The following ELAVL4 variants were observed in gnomAD, a reference collection of about 807,000 sequenced individuals.
ELAVL4 encodes the protein ELAV-like protein 4.
In ELAVL4, 1 loss-of-function variant was observed where a neutral mutation model predicts 35.6. The observed-to-expected ratio is 0.03, with a 90% CI of 0.01 to 0.13. The LOEUF (loss-of-function observed/expected upper bound fraction) is 0.13. Among genes scored for constraint, ELAVL4 ranks in the 10% least tolerant of loss-of-function variants. The pLI is 1.00. For missense variants in ELAVL4, 267 were observed against 464.9 expected, an observed-to-expected ratio of 0.57 and a Z score of 3.91; for synonymous variants, 156 against 171.0, an observed-to-expected ratio of 0.91 and a Z score of 0.69.
intron 1 of ELAVL4, among the ~76,000 whole-genome samples, chr1:50,137,864 C>T (rs1672140861): frequency 6.6e-6 from 1 of 152,108 alleles, no homozygotes; most frequent in South Asian, 2.1e-4. Context: ...TATCTTTCTC[C>T]TTGTTCTCTT....
At chr1:50,167,189 T>C (rs1427324617) in intron 2 of ELAVL4, among the ~76,000 whole-genome samples, 4 of 152,204 alleles carry the variant, frequency 2.6e-5, no homozygotes, top group Non-Finnish European at 5.9e-5. Context: ...GTTGGTTTTG[T>C]AATTGTGACT....
At chr1:50,061,166 G>C (rs1336931620) in intron 1 of ELAVL4, among the ~76,000 whole-genome samples, 2 of 152,200 alleles carry the variant, frequency 1.3e-5, no homozygotes, top group Non-Finnish European at 2.9e-5. Flanking sequence ...AAAAGTGATG[G>C]AGAAGATATT....
chr1:50,165,694 A>G (rs1677709829), intron 2 of ELAVL4, among the ~76,000 whole-genome samples: 2 of 148,704 alleles, frequency 1.3e-5, no homozygotes, highest in African/African-American at 4.9e-5. Context: ...ATATATACAC[A>G]CATATACATA....
At chr1:50,067,559 C>T (rs557692272) in intron 1 of ELAVL4, among the ~76,000 whole-genome samples, 5 of 152,130 alleles carry the variant, frequency 3.3e-5, no homozygotes, top group East Asian at 1.9e-4. Context: ...ATAGGTAAAC[C>T]GATACAGGGT....
chr1:50,146,793 C>T (rs750316617), intron 2 of ELAVL4, among the ~76,000 whole-genome samples: 1 of 152,118 alleles, frequency 6.6e-6, no homozygotes, highest in South Asian at 2.1e-4. Flanking sequence ...TTTAGTATAG[C>T]CTTACCTTCA....
At chr1:50,081,761 G>T (rs1467708399) in intron 1 of ELAVL4, among the ~76,000 whole-genome samples, 1 of 152,164 alleles carries the variant, frequency 6.6e-6, no homozygotes, top group African/African-American at 2.4e-5. Context: ...CACGTGCTAT[G>T]GTGGTTTGCT....
At chr1:50,070,001 T>C (rs1202912978) in intron 1 of ELAVL4, among the ~76,000 whole-genome samples, 1 of 152,224 alleles carries the variant, frequency 6.6e-6, no homozygotes, top group Non-Finnish European at 1.5e-5. Context: ...CTGTGGTTTC[T>C]TTTTCCTCTT....
intron 1 of ELAVL4, among the ~76,000 whole-genome samples, chr1:50,067,854 T>A (rs1050117058): frequency 6.6e-6 from 1 of 152,166 alleles, no homozygotes; most frequent in Admixed American, 6.5e-5. Flanking sequence ...CTTCACATGA[T>A]GGCAGGAAGA....
chr1:50,196,429 A>G (rs1268880755), intron 5 of ELAVL4, among the ~76,000 whole-genome samples: 1 of 152,220 alleles, frequency 6.6e-6, no homozygotes, highest in African/African-American at 2.4e-5. Flanking sequence ...CTCTCCATGA[A>G]GGCAGTATGA....
rs1665373539 is a variant in ELAVL4, at chr1:50,088,989, C to A, written c.18+40807C>A. Reference sequence around the variant, plus strand: ...GTCTAGCAATAGCCCCATTTCACAGCTGATGGTGCTAACCCATGGCAAGGC... The same window carrying A: ...GTCTAGCAATAGCCCCATTTCACAGATGATGGTGCTAACCCATGGCAAGGC... On this transcript the variant is annotated intron_variant, in intron 1 of 6. Transcript: ENST00000448907. 2.0e-5 allele frequency among the ~76,000 whole-genome samples: 3 copies of A among 152,208 alleles called. No individual in the cohort carries two copies. In the South Asian group the frequency reaches 6.2e-4, roughly 32 times the overall value.
intron 1 of ELAVL4, among the ~76,000 whole-genome samples, chr1:50,071,425 G>A (rs1438200322): frequency 6.6e-6 from 1 of 151,934 alleles, no homozygotes; most frequent in Non-Finnish European, 1.5e-5. Context: ...TTCTTGAGTC[G>A]TGCATCTTTT....
chr1:50,135,052 C>T (rs572329465), intron 1 of ELAVL4, among the ~76,000 whole-genome samples: 56 of 152,148 alleles, frequency 3.7e-4, no homozygotes, highest in South Asian at 2.3e-3. Flanking sequence ...TTTTCATATC[C>T]GTGCTGGCCC....
rs554416277 is a variant in ELAVL4, at chr1:50,078,017, C to T, written c.18+29835C>T. On this transcript the variant is annotated intron_variant, in intron 1 of 6. Coordinates refer to the ELAVL4 transcript ENST00000448907. ...CATGACCTTGGGAGCAAGTTACTAA[C>T]TTCTCTGTCCCTGTTTCCTCTTCTC... Among the ~76,000 whole-genome samples the T allele has an allele frequency of 5.3e-5, 8 of 152,160 alleles. No individual in the cohort carries two copies. In the East Asian group the frequency reaches 1.5e-3, roughly 29 times the overall value.
At chr1:50,100,555 C>T (rs1303951688), upstream of ELAVL4, among the ~76,000 whole-genome samples, 1 of 152,196 alleles carries the variant, frequency 6.6e-6, no homozygotes, top group African/African-American at 2.4e-5. Context: ...CCCATCACTC[C>T]AGATCTCATC....
chr1:50,167,369 G>A (rs1194484276), intron 2 of ELAVL4, among the ~76,000 whole-genome samples: 1 of 152,170 alleles, frequency 6.6e-6, no homozygotes, highest in African/African-American at 2.4e-5. Context: ...GGTGGATAAG[G>A]CATTCCGTGA....
chr1:50,078,167 A>G (rs1664851539), intron 1 of ELAVL4, among the ~76,000 whole-genome samples: 1 of 150,910 alleles, frequency 6.6e-6, no homozygotes, highest in Non-Finnish European at 1.5e-5. Flanking sequence ...GTGTTTATAT[A>G]TCTATGTGAA....
chr1:50,193,951 A>G, intron 4 of ELAVL4, 33 bp downstream of exon 4: 3 of 1,610,690 alleles, frequency 1.9e-6, no homozygotes, highest in Non-Finnish European at 2.5e-6. Flanking sequence ...CTTTCCTTGT[A>G]TATCAATGTC....
chr1:50,073,331 G>A (rs1664615931), intron 1 of ELAVL4, among the ~76,000 whole-genome samples: 1 of 151,934 alleles, frequency 6.6e-6, no homozygotes, highest in Non-Finnish European at 1.5e-5. Context: ...TTGTGGATGG[G>A]GACAATGATA....
At chr1:50,085,836 G>A (rs114066896) in intron 1 of ELAVL4, among the ~76,000 whole-genome samples, 170 of 152,320 alleles carry the variant, frequency 1.1e-3, no homozygotes, top group African/African-American at 4.0e-3. Flanking sequence ...TGTATTTACA[G>A]CTGCAAGCCT....
Sources: gnomAD v4.1 joint callset for allele counts (sites outside exome capture counted in the v4.1 genomes callset) on GRCh38, gnomAD v4.1.1 for gene constraint, MANE v1.5 for transcripts, NCBI Gene and HGNC (gene_info 2026-07-23, HGNC 2026-07-21) for gene names.